Variants in CFAP299 observed in about 807,000 individuals in gnomAD.
CFAP299 encodes cilia and flagella associated protein 299.
In CFAP299, 21 loss-of-function variants were observed where a neutral mutation model predicts 27.0. The ratio of observed to expected loss-of-function variants is 0.78; its 90% CI spans 0.55 to 1.12. CFAP299 has a LOEUF of 1.12. CFAP299 is among the 50% of genes most tolerant of loss of function. CFAP299 has a pLI of 0.00. For synonymous variants in CFAP299, 104 were observed against 98.1 expected (o/e 1.06, Z -0.36); for missense variants, 310 against 276.6 (o/e 1.12, Z -0.86).
chr4:80,780,233 C>T (rs1726792978), intron 3 of CFAP299, among the ~76,000 whole-genome samples: 1 of 152,050 alleles, frequency 6.6e-6, no homozygotes, highest in Non-Finnish European at 1.5e-5. Flanking sequence ...ATTCTCCTCA[C>T]CAGCATGTCT....
chr4:80,465,912 A>T (rs968156490), intron 2 of CFAP299, among the ~76,000 whole-genome samples: 3 of 152,358 alleles, frequency 2.0e-5, no homozygotes, highest in South Asian at 2.1e-4. Flanking sequence ...ACATGTGATT[A>T]ACATTCACAA....
chr4:80,925,507 G>A (rs977821363), intron 4 of CFAP299, among the ~76,000 whole-genome samples: 5 of 151,906 alleles, frequency 3.3e-5, no homozygotes, highest in African/African-American at 9.7e-5. Flanking sequence ...AGACTGTCAG[G>A]AAACTTTTTC....
intron 4 of CFAP299, among the ~76,000 whole-genome samples, chr4:80,938,342 G>T (rs1737022663): frequency 6.6e-6 from 1 of 152,158 alleles, no homozygotes; most frequent in Non-Finnish European, 1.5e-5. Context: ...AGGAACACCT[G>T]GCCCACCCAG....
intron 2 of CFAP299, among the ~76,000 whole-genome samples, chr4:80,422,250 A>AT (rs1179966250): frequency 6.6e-6 from 1 of 152,210 alleles, no homozygotes; most frequent in Non-Finnish European, 1.5e-5. Flanking sequence ...ACTATTCACC[A>AT]TAGTGTCCTA....
At chr4:80,554,505 G>GTTTT (rs869288835) in intron 2 of CFAP299, among the ~76,000 whole-genome samples, 54 of 108,724 alleles carry the variant, frequency 5.0e-4, no homozygotes, top group African/African-American at 1.7e-3. Flanking sequence ...TTTTCCACTA[G>GTTTT]TTTTTTTTTT....
intron 4 of CFAP299, among the ~76,000 whole-genome samples, chr4:80,879,666 T>C (rs750423731): frequency 6.6e-6 from 1 of 152,166 alleles, no homozygotes. Flanking sequence ...TTTTAAAGAG[T>C]GTGAGTGAAG....
intron 2 of CFAP299, chr4:80,387,753 G>T: frequency 6.3e-7 from 1 of 1,588,508 alleles, no homozygotes; most frequent in Non-Finnish European, 8.6e-7. Flanking sequence ...GCTGCTGCAG[G>T]TCGAAGTTTT....
chr4:80,488,938 C>T (rs1730975009), intron 2 of CFAP299, among the ~76,000 whole-genome samples: 1 of 152,146 alleles, frequency 6.6e-6, no homozygotes, highest in South Asian at 2.1e-4. Context: ...TTTCTGGTGG[C>T]CTTCCTAGAT....
In CFAP299 at chr4:80,484,321, TTGA is replaced by T. The variant is rs1044486975; in HGVS notation, c.243-98768_243-98766del. ...TCTGGAAGTTGTTCAGAACATTTTC[TTGA>T]TGACATAAAAAAATAAAATATTTTC... On this transcript the variant is annotated intron_variant, in intron 2 of 5. Transcript: ENST00000358105. Among the ~76,000 whole-genome samples the T allele has an allele frequency of 7.9e-4, 120 of 152,268 alleles. 1 individual carries two copies. Among genetic ancestry groups the T allele is most frequent in the African/African-American group, 2.7e-3 (114 of 41,584 alleles).
intron 4 of CFAP299, among the ~76,000 whole-genome samples, chr4:80,934,070 T>C (rs1294654894): frequency 6.6e-6 from 1 of 152,264 alleles, no homozygotes; most frequent in South Asian, 2.1e-4. Flanking sequence ...AGATTTGCTA[T>C]ATATGGCCTT....
chr4:80,872,898 T>A (rs1733175910), intron 4 of CFAP299: 11 of 965,270 alleles, frequency 1.1e-5, no homozygotes, highest in Non-Finnish European at 1.4e-5. Context: ...CAAAATATCA[T>A]CTCTCTGTGT....
chr4:80,942,206 G>A (rs1737231974), intron 4 of CFAP299, among the ~76,000 whole-genome samples: 1 of 152,142 alleles, frequency 6.6e-6, no homozygotes. Flanking sequence ...TTGAAAATTT[G>A]TATTTTGATC....
intron 4 of CFAP299, among the ~76,000 whole-genome samples, chr4:80,933,156 C>G (rs1392906761): frequency 6.9e-6 from 1 of 145,658 alleles, no homozygotes; most frequent in Non-Finnish European, 1.5e-5. Flanking sequence ...CCTTTTCTTT[C>G]TTTCCTTTCC....
intron 2 of CFAP299, among the ~76,000 whole-genome samples, chr4:80,379,158 G>A (rs1309894838): frequency 6.6e-6 from 1 of 151,928 alleles, no homozygotes; most frequent in African/African-American, 2.4e-5. Flanking sequence ...TTCAAAATAT[G>A]TTTGTAGTTT....
chr4:80,902,711 TTG>T (rs1015494277), intron 4 of CFAP299, among the ~76,000 whole-genome samples: 6 of 150,686 alleles, frequency 4.0e-5, no homozygotes, highest in Non-Finnish European at 8.9e-5. Flanking sequence ...ACATAAGAAA[TTG>T]TTTCAAGATA....
intron 2 of CFAP299, among the ~76,000 whole-genome samples, chr4:80,580,547 T>C (rs1170831799): frequency 6.6e-6 from 1 of 151,996 alleles, no homozygotes; most frequent in Non-Finnish European, 1.5e-5. Flanking sequence ...GGATTAGTGA[T>C]TTTAATTCTC....
rs1027881558 is a variant in CFAP299, at chr4:80,648,322, T to A, written c.333+65139T>A. Among the ~76,000 whole-genome samples, 4 of 152,184 alleles carry A rather than the reference T, an allele frequency of 2.6e-5. No homozygotes were observed. In the East Asian group the frequency reaches 5.8e-4, roughly 22 times the overall value. On this transcript the variant is annotated intron_variant, in intron 3 of 5. Coordinates refer to ENST00000358105, the MANE Select transcript of CFAP299 (RefSeq NM_152770.3). ...AGATTATAAGAAACTCTGAGAGCAG[T>A]CACTTGCCTAGAAAAGGCCTTATTT...
At chr4:80,962,797 T>C (rs1738410490) in intron 5 of CFAP299, among the ~76,000 whole-genome samples, 1 of 151,956 alleles carries the variant, frequency 6.6e-6, no homozygotes, top group Non-Finnish European at 1.5e-5. Context: ...AAAGGCCTAG[T>C]AACTAAAATT....
chr4:80,824,465 C>T (rs963216892), intron 3 of CFAP299, among the ~76,000 whole-genome samples: 3 of 152,084 alleles, frequency 2.0e-5, no homozygotes, highest in Admixed American at 6.6e-5. Flanking sequence ...GTTGCACACA[C>T]CCTCCTTCTG....
Sources: gnomAD v4.1 joint callset for allele counts (sites outside exome capture counted in the v4.1 genomes callset) on GRCh38, gnomAD v4.1.1 for gene constraint, MANE v1.5 for transcripts, NCBI Gene and HGNC (gene_info 2026-07-23, HGNC 2026-07-21) for gene names.